Variants in HEXB observed in about 807,000 individuals in gnomAD.
The protein encoded by HEXB is beta-hexosaminidase subunit beta.
HEXB carries 51 observed loss-of-function variants against 71.2 expected under a neutral mutation model. The observed-to-expected ratio is 0.72, with a 90% CI of 0.57 to 0.90. The LOEUF is 0.90. Among genes scored for constraint, HEXB ranks in the 40% least tolerant of loss-of-function variants. The pLI is 0.00. For missense variants in HEXB, 617 were observed against 677.0 expected (o/e 0.91, Z 0.98); for synonymous variants, 266 against 249.3 (o/e 1.07, Z -0.63).
At chr5:74,672,896 C>A (rs971557294) in intron 1 of HEXB, among the ~76,000 whole-genome samples, 1 of 152,196 alleles carries the variant, frequency 6.6e-6, no homozygotes, top group Non-Finnish European at 1.5e-5. Context: ...CCAACATGAA[C>A]TTTGCCCCCA....
At chr5:74,717,431 G>C (rs1749698238) in intron 9 of HEXB, among the ~76,000 whole-genome samples, 1 of 151,782 alleles carries the variant, frequency 6.6e-6, no homozygotes, top group South Asian at 2.1e-4. Flanking sequence ...CACATGTCAA[G>C]TGTTCAGTAG....
rs770633946 is a variant in HEXB, at chr5:74,718,867, C to T, written c.1313C>T (p.Ala438Val). 2 of 1,613,872 alleles carry T rather than the reference C, an allele frequency of 1.2e-6. No individual in the cohort carries two copies. Among genetic ancestry groups the T allele is most frequent in the African/African-American group, 1.3e-5 (1 of 74,914 alleles). The change falls in exon 11 of 14, where the codon GCA becomes GTA. Residue 438 changes from alanine to valine, a missense_variant. Coordinates refer to ENST00000261416, the MANE Select transcript of HEXB (RefSeq NM_000521.4). ...CCTGAGGAACTCAGTAGAGTCACAG[C>T]ATCTGGCTTCCCTGTAATCCTTTCT... ...AYPEELSRVT[A>V]SGFPVILSAP...
chr5:74,662,990 C>T (rs576849002), intron 1 of HEXB, among the ~76,000 whole-genome samples: 15 of 152,230 alleles, frequency 9.9e-5, no homozygotes, highest in East Asian at 1.9e-4. Context: ...CACCATCATA[C>T]GGATTTTTTA....
At chr5:74,679,478 A>G (rs1748697625) in intron 1 of HEXB, among the ~76,000 whole-genome samples, 1 of 152,156 alleles carries the variant, frequency 6.6e-6, no homozygotes, top group South Asian at 2.1e-4. Flanking sequence ...GGTGACTTCT[A>G]GCATGTGAGC....
intron 1 of HEXB, among the ~76,000 whole-genome samples, chr5:74,663,845 G>A (rs1748377308): frequency 6.6e-6 from 1 of 152,184 alleles, no homozygotes; most frequent in Non-Finnish European, 1.5e-5. Context: ...GAATATTGGG[G>A]CCAGGCGTGG....
chr5:74,719,187 A>G (rs184677698), intron 11 of HEXB, among the ~76,000 whole-genome samples: 2 of 152,302 alleles, frequency 1.3e-5, no homozygotes, highest in East Asian at 3.9e-4. Flanking sequence ...AAGAAACCAT[A>G]CAGTTGCCTA....
intron 10 of HEXB, 29 bp downstream of exon 10, chr5:74,718,392 A>G (rs1263067878): frequency 6.8e-7 from 1 of 1,468,766 alleles, no homozygotes; most frequent in Non-Finnish European, 9.5e-7. Flanking sequence ...GCATCTGATC[A>G]ATATAAGAGA....
chr5:74,668,827 C>T (rs143882637), intron 1 of HEXB, among the ~76,000 whole-genome samples: 16 of 152,330 alleles, frequency 1.1e-4, no homozygotes, highest in African/African-American at 3.4e-4. Flanking sequence ...AAACTGTACA[C>T]ATATTCAAGT....
chr5:74,646,677 C>T (rs10070403), intron 1 of HEXB, among the ~76,000 whole-genome samples: 21,369 of 151,634 alleles, frequency 0.14, 1,765 homozygotes, highest in African/African-American at 0.22. Flanking sequence ...AAGCGATTCT[C>T]CTGCCTCAGC....
At chr5:74,690,223 A>G (rs924970509) in intron 2 of HEXB, among the ~76,000 whole-genome samples, 5 of 152,178 alleles carry the variant, frequency 3.3e-5, no homozygotes, top group African/African-American at 7.2e-5. Flanking sequence ...AGAACAAATA[A>G]GTGGGCGTGC....
intron 1 of HEXB, among the ~76,000 whole-genome samples, chr5:74,674,379 A>G (rs1002432043): frequency 6.6e-6 from 1 of 152,040 alleles, no homozygotes; most frequent in Non-Finnish European, 1.5e-5. Context: ...CGAGGCGGGC[A>G]GATCACAAGG....
intron 3 of HEXB, among the ~76,000 whole-genome samples, chr5:74,695,901 C>G (rs1314878636): frequency 6.6e-6 from 1 of 151,470 alleles, no homozygotes; most frequent in Non-Finnish European, 1.5e-5. Context: ...ATTTCTAGTC[C>G]AAGAAGTCCA....
At chr5:74,721,041 A>AATATCAATCTAAAATATCTTTATGAATG in intron 13 of HEXB, 77 bp from the exon 14 acceptor site, 1 of 1,167,816 alleles carries the variant, frequency 8.6e-7, no homozygotes, top group Admixed American at 1.7e-5. Context: ...AGATGACATG[A>AATATCAATCTAAAATATCTTTATGAATG]ATATCAATCT....
intron 1 of HEXB, among the ~76,000 whole-genome samples, chr5:74,659,129 T>C (rs529931214): frequency 2.0e-5 from 3 of 152,222 alleles, no homozygotes; most frequent in African/African-American, 2.4e-5. Flanking sequence ...AAAAAAAAAC[T>C]TGTCTTTGGT....
chr5:74,720,616 C>A, intron 12 of HEXB, 27 bp from the exon 13 acceptor site: 1 of 1,602,050 alleles, frequency 6.2e-7, no homozygotes, highest in Non-Finnish European at 8.6e-7. Context: ...AAACTGCTTG[C>A]GGGGGGATGT....
At chr5:74,701,801 A>G (rs1304305881) in intron 5 of HEXB, among the ~76,000 whole-genome samples, 2 of 152,092 alleles carry the variant, frequency 1.3e-5, no homozygotes, top group East Asian at 3.8e-4. Context: ...TACGTTTTCT[A>G]AACCACATGG....
chr5:74,663,103 A>G (rs2112091203), intron 1 of HEXB, among the ~76,000 whole-genome samples: 1 of 152,268 alleles, frequency 6.6e-6, no homozygotes, highest in South Asian at 2.1e-4. Context: ...GTAAACGAAG[A>G]CCCAAGAACG....
At chr5:74,668,684 C>A (rs1424826115) in intron 1 of HEXB, among the ~76,000 whole-genome samples, 1 of 152,176 alleles carries the variant, frequency 6.6e-6, no homozygotes, top group Non-Finnish European at 1.5e-5. Flanking sequence ...CTGCTATAAG[C>A]AGTGGACACA....
At position 74,707,930 on chromosome 5, in the gene HEXB, A is replaced by G. The variant is rs978200561; in HGVS notation, c.771+2610A>G. On this transcript the variant is annotated intron_variant, in intron 6 of 13. Transcript: ENST00000261416. ...GCAGGCCAACATTCAGATGCAGGAAATACAGAGAATGCCACAAACATACTC... is the reference window on the plus strand; with the variant it reads ...GCAGGCCAACATTCAGATGCAGGAAGTACAGAGAATGCCACAAACATACTC... Among the ~76,000 whole-genome samples, 146 of 152,334 alleles carry G rather than the reference A, an allele frequency of 9.6e-4. 2 individuals carry two copies. The highest frequency in any genetic ancestry group is 7.3e-5 in the Non-Finnish European group (5 of 68,044).
Sources: gnomAD v4.1 joint callset for allele counts (sites outside exome capture counted in the v4.1 genomes callset) on GRCh38, gnomAD v4.1.1 for gene constraint, MANE v1.5 for transcripts, NCBI Gene and HGNC (gene_info 2026-07-23, HGNC 2026-07-21) for gene names.